DEPTOR: variants seen among roughly 807,000 people sequenced by gnomAD.
DEPTOR encodes the protein DEP domain containing MTOR interacting protein, also known as DEP domain-containing mTOR-interacting protein.
DEPTOR carries 41 observed loss-of-function variants against 41.6 expected under a neutral mutation model. That is an observed-to-expected ratio of 0.98 (90% CI 0.77 to 1.28). The LOEUF (loss-of-function observed/expected upper bound fraction) is 1.28. Ranked by LOEUF, DEPTOR falls within the 50% of genes most tolerant of loss-of-function variation. DEPTOR has a pLI of 0.00. For synonymous variants in DEPTOR, 195 were observed against 192.3 expected, an observed-to-expected ratio of 1.01 and a Z score of -0.12; for missense variants, 514 against 527.9, an observed-to-expected ratio of 0.97 and a Z score of 0.26.
chr8:119,899,475 T>C (rs72673610), intron 1 of DEPTOR, among the ~76,000 whole-genome samples: 6,646 of 152,316 alleles, frequency 0.044, 180 homozygotes, highest in Middle Eastern at 0.082. Context: ...CATAGACTTA[T>C]AGAAGGTTAA....
chr8:119,877,385 G>A (rs1050031915), intron 1 of DEPTOR, among the ~76,000 whole-genome samples: 2 of 152,158 alleles, frequency 1.3e-5, no homozygotes, highest in Admixed American at 6.5e-5. Flanking sequence ...GAATTAAAGC[G>A]GTCGTATGCC....
intron 3 of DEPTOR, among the ~76,000 whole-genome samples, chr8:119,959,142 T>TTTTC (rs1414153811): frequency 1.1e-4 from 17 of 150,940 alleles, no homozygotes; most frequent in African/African-American, 2.2e-4. Context: ...GGCTATTTCT[T>TTTTC]TTTCTTTCTT....
chr8:119,917,642 C>T (rs1305719452), intron 1 of DEPTOR, among the ~76,000 whole-genome samples: 1 of 152,190 alleles, frequency 6.6e-6, no homozygotes, highest in African/African-American at 2.4e-5. Flanking sequence ...CAAGGTTTCT[C>T]CCCATGTGAT....
intron 4 of DEPTOR, among the ~76,000 whole-genome samples, chr8:119,969,094 C>CAA (rs111280654): frequency 5.8e-5 from 8 of 137,838 alleles, no homozygotes; most frequent in Non-Finnish European, 1.3e-4. Flanking sequence ...GACTCCATCT[C>CAA]AAAAAAAAAA....
rs541515017 is a variant in DEPTOR at position 119,958,498 on chromosome 8, A to C, written c.426-6734A>C. On this transcript the variant is annotated intron_variant, in intron 3 of 8. Transcript: ENST00000286234. ...AAGTTTATCACCTTAGAAGTTGCAT[A>C]ACGTGGCCGGGCATGGTGGCTCACA... 1.9e-4 allele frequency among the ~76,000 whole-genome samples: 29 copies of C among 152,096 alleles called. No individual in the cohort carries two copies. The East Asian group carries it at 5.2e-3, about 28-fold the overall frequency.
chr8:119,879,611 C>A (rs1266689542), intron 1 of DEPTOR, among the ~76,000 whole-genome samples: 1 of 151,532 alleles, frequency 6.6e-6, no homozygotes, highest in Non-Finnish European at 1.5e-5. Flanking sequence ...ACTCAGGAGG[C>A]GAGGCACAAG....
chr8:119,966,465 A>C (rs1334844554), intron 4 of DEPTOR, among the ~76,000 whole-genome samples: 1 of 152,230 alleles, frequency 6.6e-6, no homozygotes, highest in Non-Finnish European at 1.5e-5. Context: ...GGTTTGCTGA[A>C]AATCACTGAC....
At chr8:119,912,057 G>T (rs1827752724) in intron 1 of DEPTOR, among the ~76,000 whole-genome samples, 1 of 152,150 alleles carries the variant, frequency 6.6e-6, no homozygotes, top group South Asian at 2.1e-4. Context: ...ATATTATATA[G>T]GTAAACATGA....
chr8:119,954,140 A>G (rs369751350), intron 3 of DEPTOR, among the ~76,000 whole-genome samples: 24 of 150,514 alleles, frequency 1.6e-4, no homozygotes, highest in African/African-American at 5.9e-4. Flanking sequence ...TGAATGAATA[A>G]TTAACTTTTT....
At chr8:119,979,161 ATG>A (rs1268151016) in intron 4 of DEPTOR, among the ~76,000 whole-genome samples, 8 of 152,200 alleles carry the variant, frequency 5.3e-5, no homozygotes, top group Admixed American at 2.0e-4. Flanking sequence ...TTGGAAAAAT[ATG>A]TGTGTTGATT....
At chr8:119,936,213 G>A (rs1245370723) in intron 3 of DEPTOR, among the ~76,000 whole-genome samples, 1 of 152,096 alleles carries the variant, frequency 6.6e-6, no homozygotes, top group East Asian at 1.9e-4. Context: ...AAAAGGGAGA[G>A]AGTACATCCA....
At chr8:119,918,055 C>A (rs895830998) in intron 1 of DEPTOR, among the ~76,000 whole-genome samples, 2 of 152,210 alleles carry the variant, frequency 1.3e-5, no homozygotes, top group East Asian at 1.9e-4. Context: ...CCTGCCACAT[C>A]CCCCTCTCCG....
intron 8 of DEPTOR, among the ~76,000 whole-genome samples, chr8:120,043,079 C>CTT (rs144907492): frequency 0.36 from 53,516 of 150,160 alleles, 9,765 homozygotes; most frequent in African/African-American, 0.39. Flanking sequence ...TAGAACTCTT[C>CTT]TTTTTTTTTA....
intron 1 of DEPTOR, among the ~76,000 whole-genome samples, chr8:119,922,445 A>G (rs1399626787): frequency 6.6e-6 from 1 of 152,130 alleles, no homozygotes; most frequent in African/African-American, 2.4e-5. Context: ...CTAAGAATTA[A>G]TATTTTGCAT....
intron 4 of DEPTOR, among the ~76,000 whole-genome samples, chr8:119,986,743 T>C (rs986320247): frequency 2.6e-5 from 4 of 151,984 alleles, no homozygotes; most frequent in African/African-American, 9.7e-5. Context: ...TTCTTTTTTC[T>C]CTAATCTTGT....
intron 1 of DEPTOR, among the ~76,000 whole-genome samples, chr8:119,880,235 TATA>T (rs1827282629): frequency 6.6e-6 from 1 of 152,110 alleles, no homozygotes; most frequent in South Asian, 2.1e-4. Flanking sequence ...TGGTAGCAAT[TATA>T]ATAATAACAA....
intron 4 of DEPTOR, among the ~76,000 whole-genome samples, chr8:119,984,262 T>C (rs1048432645): frequency 6.6e-6 from 1 of 151,844 alleles, no homozygotes; most frequent in Non-Finnish European, 1.5e-5. Flanking sequence ...CTAGGCCTTT[T>C]ATTTTATTTT....
intron 3 of DEPTOR, among the ~76,000 whole-genome samples, chr8:119,930,247 T>C (rs1346867630): frequency 6.6e-6 from 1 of 152,226 alleles, no homozygotes; most frequent in Non-Finnish European, 1.5e-5. Context: ...ATTTTTATTT[T>C]TTATTTTTTG....
chr8:119,933,730 C>T (rs1368324734), intron 3 of DEPTOR, among the ~76,000 whole-genome samples: 1 of 151,942 alleles, frequency 6.6e-6, no homozygotes, highest in African/African-American at 2.4e-5. Context: ...GTCTCAGCAG[C>T]TCTGAGGGGG....
Sources: gnomAD v4.1 joint callset for allele counts (sites outside exome capture counted in the v4.1 genomes callset) on GRCh38, gnomAD v4.1.1 for gene constraint, MANE v1.5 for transcripts, NCBI Gene and HGNC (gene_info 2026-07-23, HGNC 2026-07-21) for gene names.